Variants in SPSB1 observed in about 807,000 individuals in gnomAD.
SPSB1 encodes splA/ryanodine receptor domain and SOCS box containing 1.
SPSB1 carries 8 observed loss-of-function variants against 21.2 expected under a neutral mutation model. The ratio of observed to expected loss-of-function variants is 0.38; its 90% CI spans 0.22 to 0.68. SPSB1 has a LOEUF of 0.68. SPSB1 is among the 30% of genes least tolerant of loss of function. The pLI, the probability that SPSB1 is intolerant of heterozygous loss-of-function variation, is 0.53. For missense variants in SPSB1, 242 were observed against 377.8 expected, an observed-to-expected ratio of 0.64 and a Z score of 2.98; for synonymous variants, 169 against 161.7, an observed-to-expected ratio of 1.05 and a Z score of -0.34.
chr1:9,316,284 G>T (rs1445653990), intron 1 of SPSB1, among the ~76,000 whole-genome samples: 1 of 152,200 alleles, frequency 6.6e-6, no homozygotes, highest in East Asian at 1.9e-4. Flanking sequence ...TGAGTCACCT[G>T]CTTTGGGTGA....
intron 1 of SPSB1, among the ~76,000 whole-genome samples, chr1:9,322,113 C>G (rs1639730952): frequency 6.6e-6 from 1 of 152,124 alleles, no homozygotes; most frequent in African/African-American, 2.4e-5. Context: ...TTATTAACGA[C>G]CCACATTCCC....
intron 1 of SPSB1, among the ~76,000 whole-genome samples, chr1:9,323,431 C>T (rs1229908760): frequency 6.6e-6 from 1 of 152,168 alleles, no homozygotes; most frequent in East Asian, 1.9e-4. Flanking sequence ...GCAGAGATCT[C>T]AGGGGATGTC....
chr1:9,363,522 A>G lies in SPSB1; in HGVS notation c.695-3926A>G, dbSNP rs1365416818. 6.6e-6 allele frequency among the ~76,000 whole-genome samples: 1 copy of G among 151,282 alleles called. No individual in the cohort carries two copies. Among genetic ancestry groups the G allele is most frequent in the Non-Finnish European group, 1.5e-5 (1 of 67,788 alleles). ...GGAGTCCATGGCTCTCAGACCTTGGACCTGTAACTCTCACCTCCCCAAGCC... is the reference window on the plus strand; with the variant it reads ...GGAGTCCATGGCTCTCAGACCTTGGGCCTGTAACTCTCACCTCCCCAAGCC... On this transcript the variant is annotated intron_variant, in intron 2 of 2. Coordinates refer to ENST00000328089, the MANE Select transcript of SPSB1 (RefSeq NM_025106.4). This position sits in a 1 kb window ranked among gnomAD's most constrained non-coding sequence, Gnocchi z 4.5.
chr1:9,367,642 G>A lies in SPSB1; in HGVS notation c.*67G>A. The A allele has an allele frequency of 6.6e-7, 1 of 1,518,622 alleles. No homozygotes were observed. The highest frequency in any genetic ancestry group is 8.8e-7 in the Non-Finnish European group (1 of 1,130,148). 94.1% of individuals were successfully genotyped at this position (1,518,622 alleles called of 1,614,324 possible). A position where few individuals can be genotyped will look rare whatever the true frequency, so the allele number is the denominator to read the frequency against. On this transcript the variant is annotated 3_prime_UTR_variant, in exon 3 of 3. Transcript: ENST00000328089. This position sits in a 1 kb window ranked among gnomAD's most constrained non-coding sequence, Gnocchi z 5.9. ...AACTCACTGAGCCGCCTGCCGCTGG[G>A]GCCGCCGCACCCTGCACCTTGGACC...
At chr1:9,362,570 A>G (rs1224193316) in intron 2 of SPSB1, among the ~76,000 whole-genome samples, 1 of 152,232 alleles carries the variant, frequency 6.6e-6, no homozygotes, top group Admixed American at 6.5e-5. Flanking sequence ...AAGCCGGGGC[A>G]TTCTCTGATG....
chr1:9,368,611 C>G lies in SPSB1; in HGVS notation c.*1036C>G, dbSNP rs1334142700. 6.6e-6 allele frequency: 1 copy of G among 152,158 alleles called. No individual in the cohort carries two copies. Among genetic ancestry groups the G allele is most frequent in the Non-Finnish European group, 1.5e-5 (1 of 68,036 alleles). The allele number at this position is 152,158 out of a possible 1,614,324, so 9.4% of individuals were successfully genotyped here. ...TTTGATTTTGCTTTTGCTTTTCTAGCTGAGATTTCCCAAGTGCATCCTCAG... is the reference window on the plus strand; with the variant it reads ...TTTGATTTTGCTTTTGCTTTTCTAGGTGAGATTTCCCAAGTGCATCCTCAG... On this transcript the variant is annotated 3_prime_UTR_variant, in exon 3 of 3. Transcript: ENST00000328089.
intron 1 of SPSB1, among the ~76,000 whole-genome samples, chr1:9,311,616 C>CT (rs201734491): frequency 2.4e-4 from 37 of 151,970 alleles, no homozygotes; most frequent in African/African-American, 8.0e-4. Context: ...TATCTCTAGG[C>CT]TTTTTTTTAT....
intron 1 of SPSB1, among the ~76,000 whole-genome samples, chr1:9,320,413 G>A (rs956726306): frequency 3.9e-5 from 6 of 152,076 alleles, no homozygotes; most frequent in African/African-American, 9.6e-5. Context: ...CCTGCCCCAC[G>A]TGTGTGCAGA....
rs533217405 is a variant in SPSB1, at chr1:9,338,820, C to T, written c.-149-16923C>T. ...CGCCCCAGCTTCCTGGGGGCGCTCC[C>T]GCCTTGCTCTGCTGTGCTTTCCTGA... On this transcript the variant is annotated intron_variant, in intron 1 of 2. Transcript: ENST00000328089. Among the ~76,000 whole-genome samples the T allele has an allele frequency of 1.4e-3, 206 of 152,314 alleles. 1 individual carries two copies. Among genetic ancestry groups the T allele is most frequent in the African/African-American group, 4.7e-3 (194 of 41,568 alleles).
intron 1 of SPSB1, chr1:9,339,412 C>T (rs561362547): frequency 1.1e-4 from 68 of 633,248 alleles, no homozygotes; most frequent in East Asian, 4.2e-4. Flanking sequence ...CAGGTAATTC[C>T]GGGGCGAGTC....
chr1:9,293,729 C>T lies in SPSB1; in HGVS notation c.-150+658C>T, dbSNP rs904973331. ...GGCGGCCTGGGCCCGCGGGAGGAAC[C>T]GCGGATGGGTCACCGTCCCCGGGCG... On this transcript the variant is annotated intron_variant, in intron 1 of 2. Coordinates refer to ENST00000328089, the MANE Select transcript of SPSB1 (RefSeq NM_025106.4). The surrounding 1 kb of genome is among the most constrained non-coding windows in gnomAD (Gnocchi z 5.1). Among the ~76,000 whole-genome samples, 1 of 152,106 alleles carries T rather than the reference C, an allele frequency of 6.6e-6. No individual in the cohort carries two copies. Among genetic ancestry groups the T allele is most frequent in the Non-Finnish European group, 1.5e-5 (1 of 68,018 alleles).
intron 1 of SPSB1, among the ~76,000 whole-genome samples, chr1:9,297,983 G>A (rs1639253390): frequency 6.6e-6 from 1 of 152,212 alleles, no homozygotes; most frequent in African/African-American, 2.4e-5. Context: ...TCACTCAAAT[G>A]GAAAACTTAA....
At chr1:9,349,522 T>A (rs2100509169) in intron 1 of SPSB1, among the ~76,000 whole-genome samples, 1 of 152,356 alleles carries the variant, frequency 6.6e-6, no homozygotes, top group South Asian at 2.1e-4. Context: ...TAGATGCGTG[T>A]CAGATTTGAC....
chr1:9,311,653 T>A (rs1639521622), intron 1 of SPSB1, among the ~76,000 whole-genome samples: 2 of 152,122 alleles, frequency 1.3e-5, no homozygotes, highest in East Asian at 1.9e-4. Flanking sequence ...CTGTAGAAGA[T>A]TTAACTCCCG....
At chr1:9,352,903 A>G (rs902359564) in intron 1 of SPSB1, among the ~76,000 whole-genome samples, 1 of 140,302 alleles carries the variant, frequency 7.1e-6, no homozygotes, top group Non-Finnish European at 1.5e-5. Flanking sequence ...TGAATCTTCC[A>G]TGACAGACGA....
At chr1:9,359,080 C>G (rs2100518069) in intron 2 of SPSB1, among the ~76,000 whole-genome samples, 1 of 152,336 alleles carries the variant, frequency 6.6e-6, no homozygotes, top group South Asian at 2.1e-4. Context: ...GAGCTGGAAT[C>G]TAGATGGCCA....
At chr1:9,331,654 G>A (rs1639922201) in intron 1 of SPSB1, among the ~76,000 whole-genome samples, 3 of 151,994 alleles carry the variant, frequency 2.0e-5, no homozygotes, top group African/African-American at 4.8e-5. Context: ...ATGGGCTCAC[G>A]CACCAGGGGT....
rs1332794389 is a variant in SPSB1, at chr1:9,356,964, A to G, written c.694+379A>G. ...GATAGATAAGTGGTTGAACAAACAG[A>G]TGGATGGATGTGGGTGGATGGGTGG... On this transcript the variant is annotated intron_variant, in intron 2 of 2. Transcript: ENST00000328089. This position sits in a 1 kb window ranked among gnomAD's most constrained non-coding sequence, Gnocchi z 7.4. Among the ~76,000 whole-genome samples the G allele has an allele frequency of 7.0e-6, 1 of 143,724 alleles. No homozygotes were observed. Among genetic ancestry groups the G allele is most frequent in the Non-Finnish European group, 1.5e-5 (1 of 67,700 alleles). 94.3% of individuals were successfully genotyped at this position (143,724 alleles called of 152,430 possible).
intron 1 of SPSB1, among the ~76,000 whole-genome samples, chr1:9,306,474 G>A (rs1639413380): frequency 6.6e-6 from 1 of 152,172 alleles, no homozygotes; most frequent in South Asian, 2.1e-4. Flanking sequence ...CAACGATGTG[G>A]CATATCTGAG....
Sources: allele counts gnomAD v4.1 joint callset (sites outside exome capture counted in the v4.1 genomes callset), GRCh38; gene constraint gnomAD v4.1.1; non-coding constraint Gnocchi (gnomAD v3.1); transcripts MANE v1.5; gene names NCBI Gene and HGNC (gene_info 2026-07-23, HGNC 2026-07-21).